The following CCT3 variants were observed in gnomAD, a reference collection of about 807,000 sequenced individuals.
CCT3 encodes the protein T-complex protein 1 subunit gamma.
A neutral mutation model predicts 65.3 loss-of-function variants in CCT3; 10 were observed. That is an observed-to-expected ratio of 0.15 (90% CI 0.09 to 0.26). The LOEUF (loss-of-function observed/expected upper bound fraction) is 0.26. Among genes scored for constraint, CCT3 ranks in the 10% least tolerant of loss-of-function variants. CCT3 has a pLI of 1.00. For missense variants in CCT3, 626 were observed against 708.7 expected (o/e 0.88, Z 1.33); for synonymous variants, 225 against 242.3 (o/e 0.93, Z 0.66).
chr1:156,329,329 C>T (rs1304802715), intron 5 of CCT3, among the ~76,000 whole-genome samples: 6 of 116,352 alleles, frequency 5.2e-5, no homozygotes, highest in African/African-American at 1.9e-4. Context: ...TTTTTTGAGA[C>T]GGAATCTTGC....
chr1:156,325,695 G>A lies in CCT3; in HGVS notation c.305-606C>T, dbSNP rs190333751. Among the ~76,000 whole-genome samples the A allele has an allele frequency of 7.6e-3, 1,153 of 150,878 alleles. 21 individuals carry two copies. Among genetic ancestry groups the A allele is most frequent in the African/African-American group, 0.026 (1,063 of 41,006 alleles). Reference sequence around the variant, plus strand: ...CAGATTCAAGCGATTTTCCCACCTCGGCCTCCCAAGTAGCTGGGATTACAT... The same window carrying A: ...CAGATTCAAGCGATTTTCCCACCTCAGCCTCCCAAGTAGCTGGGATTACAT... On this transcript the variant is annotated intron_variant, in intron 5 of 13. Transcript: ENST00000295688.
chr1:156,333,797 T>C (rs1469128553), intron 4 of CCT3, among the ~76,000 whole-genome samples, 154 bp from the exon 5 acceptor site: 1 of 152,244 alleles, frequency 6.6e-6, no homozygotes, highest in Non-Finnish European at 1.5e-5. Context: ...GCACCCCAAA[T>C]AGCTTAAGTA....
At chr1:156,335,624 G>A (rs1458185796) in intron 2 of CCT3, 3 of 517,102 alleles carry the variant, frequency 5.8e-6, no homozygotes, top group Non-Finnish European at 6.9e-6. Flanking sequence ...AAGTTAATAC[G>A]AGAAGATTAT....
rs554289715 is a variant in CCT3 at position 156,315,247 on chromosome 1, C to T, written c.974+1919G>A. 1.2e-4 allele frequency among the ~76,000 whole-genome samples: 19 copies of T among 152,252 alleles called. No homozygotes were observed. The East Asian group carries it at 1.7e-3, about 14-fold the overall frequency. ...TTTGGAGACGGACTTTCACTCTTGT[C>T]GCCCAGGTTGGAGTGCAATGGCACC... On this transcript the variant is annotated intron_variant, in intron 10 of 13. Transcript: ENST00000295688.
At chr1:156,331,484 A>T (rs1254755804) in intron 5 of CCT3, among the ~76,000 whole-genome samples, 3 of 152,078 alleles carry the variant, frequency 2.0e-5, no homozygotes, top group Non-Finnish European at 4.4e-5. Flanking sequence ...GGAGTTCGAG[A>T]TCAGTCTGGC....
chr1:156,331,723 C>A lies in CCT3; in HGVS notation c.304+1824G>T, dbSNP rs1665104395. 2.0e-5 allele frequency among the ~76,000 whole-genome samples: 3 copies of A among 149,880 alleles called. 1 individual carries two copies. The highest frequency in any genetic ancestry group is 2.0e-4 in the Admixed American group (3 of 15,036). ...TAAATAAATAAATAAATAAAATTAG[C>A]ATCCCTTATTTTAAAATAGTCCCTC... On this transcript the variant is annotated intron_variant, in intron 5 of 13. Coordinates refer to ENST00000295688, the MANE Select transcript of CCT3 (RefSeq NM_005998.5).
chr1:156,315,057 T>C (rs767620177), intron 10 of CCT3, among the ~76,000 whole-genome samples: 4 of 152,154 alleles, frequency 2.6e-5, no homozygotes, highest in Non-Finnish European at 1.5e-5. Context: ...CTGCCCATCC[T>C]GCCTCCCCTT....
intron 6 of CCT3, among the ~76,000 whole-genome samples, chr1:156,323,825 C>T (rs1343717158): frequency 2.0e-5 from 3 of 151,746 alleles, no homozygotes; most frequent in Non-Finnish European, 2.9e-5. Context: ...TGCAATGGTG[C>T]GATCCTGGCT....
At chr1:156,321,095 A>G in intron 6 of CCT3, 70 bp from the exon 7 acceptor site, 3 of 1,213,728 alleles carry the variant, frequency 2.5e-6, no homozygotes. Context: ...CCTTATCTAT[A>G]CCTCAGTGAC....
chr1:156,314,613 C>T (rs1331972118), intron 10 of CCT3, among the ~76,000 whole-genome samples: 1 of 152,210 alleles, frequency 6.6e-6, no homozygotes, highest in South Asian at 2.1e-4. Flanking sequence ...ACTCGGGAGG[C>T]TGAGACAGGA....
chr1:156,319,115 G>C, intron 7 of CCT3, 98 bp from the exon 8 acceptor site: 1 of 778,258 alleles, frequency 1.3e-6, no homozygotes, highest in South Asian at 2.1e-5. Flanking sequence ...AGTGTTTCAG[G>C]TTTTTTTTTT....
chr1:156,332,942 A>G (rs1198656049), intron 5 of CCT3: 1 of 156,918 alleles, frequency 6.4e-6, no homozygotes, highest in Non-Finnish European at 1.4e-5. Context: ...CCAGAGGCTT[A>G]TAGGTATCTA....
Position 156,320,914 on chromosome 1 carries a change from A to C in CCT3, c.534T>G (p.Asp178Glu). Residue 178 changes from aspartate (D) to glutamate (E), a missense_variant, in exon 7 of 14, where the codon GAT (aspartate) becomes GAG (glutamate). By Grantham distance (45) the Asp-to-Glu change is conservative. Transcript: ENST00000295688. ...CCTCAAACTGTACCATCTTGACAGC[A>C]TCCAGGGCAATGTTGCAAGCCAAAG... is the stretch of plus-strand genomic sequence containing the variant. ...WSSLACNIAL[D>E]AVKMVQFEEN... The C allele has an allele frequency of 6.2e-7, 1 of 1,614,016 alleles. No individual in the cohort carries two copies. Among genetic ancestry groups the C allele is most frequent in the Non-Finnish European group, 8.5e-7 (1 of 1,179,872 alleles).
At chr1:156,331,591 G>A (rs1434258588) in intron 5 of CCT3, among the ~76,000 whole-genome samples, 2 of 152,070 alleles carry the variant, frequency 1.3e-5, no homozygotes, top group Non-Finnish European at 2.9e-5. Context: ...GCTGAGGCAG[G>A]AGAATCACTT....
chr1:156,329,054 AAT>A (rs1214219141), intron 5 of CCT3, among the ~76,000 whole-genome samples: 1 of 152,118 alleles, frequency 6.6e-6, no homozygotes, highest in African/African-American at 2.4e-5. Context: ...ATAAGATTAT[AAT>A]ATCATATTTT....
chr1:156,312,877 G>C (rs1352483056), intron 10 of CCT3, among the ~76,000 whole-genome samples: 1 of 152,154 alleles, frequency 6.6e-6, no homozygotes, highest in Non-Finnish European at 1.5e-5. Flanking sequence ...AAATCATTAT[G>C]ATACCTCATC....
At chr1:156,336,468 CA>C (rs1263842040) in intron 1 of CCT3, among the ~76,000 whole-genome samples, 1 of 152,156 alleles carries the variant, frequency 6.6e-6, no homozygotes, top group Non-Finnish European at 1.5e-5. Context: ...GCCCCCACAG[CA>C]TACTGTTTAG....
chr1:156,337,780 CTAGACCTAACTGAAAAAAAAA>C, intron 1 of CCT3: 1 of 291,504 alleles, frequency 3.4e-6, no homozygotes, highest in Non-Finnish European at 6.4e-6. Flanking sequence ...GAATATAAAG[CTAGACCTAACTGAAAAAAAAA>C]CAAAAAAAAA....
chr1:156,318,022 A>G (rs1664385813), intron 8 of CCT3, among the ~76,000 whole-genome samples: 1 of 151,866 alleles, frequency 6.6e-6, no homozygotes, highest in South Asian at 2.1e-4. Flanking sequence ...AGCTCCAGTT[A>G]TATCATTATA....
Sources: allele counts gnomAD v4.1 joint callset (sites outside exome capture counted in the v4.1 genomes callset), GRCh38; gene constraint gnomAD v4.1.1; transcripts MANE v1.5; gene names NCBI Gene and HGNC (gene_info 2026-07-23, HGNC 2026-07-21).